The following CD82 variants were observed in gnomAD, a reference collection of about 807,000 sequenced individuals.
CD82 encodes the protein CD82 molecule, also known as CD82 antigen.
A neutral mutation model predicts 37.4 loss-of-function variants in CD82; 36 were observed. The observed-to-expected ratio is 0.96, with a 90% CI of 0.74 to 1.27. CD82 has a LOEUF of 1.27. Ranked by LOEUF, CD82 falls within the 50% of genes most tolerant of loss-of-function variation. The pLI is 0.00. For missense variants in CD82, 340 were observed against 347.0 expected, an observed-to-expected ratio of 0.98 and a Z score of 0.16; for synonymous variants, 158 against 137.4, an observed-to-expected ratio of 1.15 and a Z score of -1.05.
rs142819851 is a variant in CD82 at position 44,615,329 on chromosome 11, C to T, written c.394C>T (p.Arg132Cys). The change falls in exon 7 of 10, where the codon CGC (arginine) becomes TGC (cysteine). Residue 132 changes from arginine (R) to cysteine (C), a missense_variant. By Grantham distance (180) the Arg-to-Cys change is radical (BLOSUM62 -3). Transcript: ENST00000227155. ...TELIRDYNSSREDSLQDAWDY... is the reference protein window; with the variant it reads ...TELIRDYNSSCEDSLQDAWDY... ...GCTCATTCGAGACTACAACAGCAGTCGCGAGGACAGCCTGCAGGATGCCTG... is the reference window on the plus strand; with the variant it reads ...GCTCATTCGAGACTACAACAGCAGTTGCGAGGACAGCCTGCAGGATGCCTG... 13 of 1,613,598 alleles carry T rather than the reference C, an allele frequency of 8.1e-6. No individual in the cohort carries two copies. The highest frequency in any genetic ancestry group is 3.3e-5 in the Admixed American group (2 of 60,000).
In CD82 at chr11:44,619,272, C is replaced by T. The variant is rs1325750712; in HGVS notation, c.*146C>T. The T allele has an allele frequency of 4.4e-6, 3 of 674,746 alleles. No homozygotes were observed. Among genetic ancestry groups the T allele is most frequent in the Non-Finnish European group, 8.0e-6 (3 of 374,284 alleles). The allele number at this position is 674,746 out of a possible 1,614,324, so 41.8% of individuals were successfully genotyped here. A position where few individuals can be genotyped will look rare whatever the true frequency, so the allele number is the denominator to read the frequency against. On this transcript the variant is annotated 3_prime_UTR_variant, in exon 10 of 10. Transcript: ENST00000227155. Reference sequence around the variant, plus strand: ...ACTGAAAGTAGGGGGCTTTCTGGGGCCTAGCGATCTCTCCTGGCCTATCCG... The same window carrying T: ...ACTGAAAGTAGGGGGCTTTCTGGGGTCTAGCGATCTCTCCTGGCCTATCCG...
At chr11:44,594,886 T>C in intron 3 of CD82, 161 bp downstream of exon 3, 1 of 636,182 alleles carries the variant, frequency 1.6e-6, no homozygotes, top group Non-Finnish European at 2.9e-6. Flanking sequence ...GTTGGGGTGG[T>C]GAGGAGATTC....
intron 1 of CD82, among the ~76,000 whole-genome samples, chr11:44,582,341 C>T (rs744630): frequency 0.6 from 90,992 of 152,138 alleles, 28,420 homozygotes; most frequent in East Asian, 0.86. Context: ...TCTGCAGGAA[C>T]CCTGTGTCCA....
At chr11:44,613,464 G>A (rs997400926) in intron 6 of CD82, among the ~76,000 whole-genome samples, 1 of 152,170 alleles carries the variant, frequency 6.6e-6, no homozygotes, top group Non-Finnish European at 1.5e-5. Context: ...CTGAGAGCAG[G>A]TGCTGCTCTC....
intron 4 of CD82, 164 bp from the exon 5 acceptor site, chr11:44,604,893 TG>T: frequency 3.5e-6 from 3 of 859,350 alleles, no homozygotes; most frequent in Non-Finnish European, 5.7e-6. Flanking sequence ...CAAGTGGGGA[TG>T]GGGGTGACCT....
At chr11:44,590,292 A>AT (rs768784470) in intron 2 of CD82, among the ~76,000 whole-genome samples, 6 of 151,678 alleles carry the variant, frequency 4.0e-5, no homozygotes, top group Non-Finnish European at 8.8e-5. Flanking sequence ...GAATCTTTTT[A>AT]TTTTTCTTTT....
intron 4 of CD82, 70 bp from the exon 5 acceptor site, chr11:44,604,988 G>A: frequency 6.2e-7 from 1 of 1,605,718 alleles, no homozygotes. Flanking sequence ...TCCGGAAGAA[G>A]ACCTGGACGG....
At chr11:44,582,714 C>G (rs556510393) in intron 1 of CD82, among the ~76,000 whole-genome samples, 135 of 152,292 alleles carry the variant, frequency 8.9e-4, no homozygotes, top group African/African-American at 3.1e-3. Context: ...TTCAGGGCCT[C>G]TGGAATCTGG....
rs1271610244 is a variant in CD82, at chr11:44,620,270, C to G, written c.*1144C>G. 1 of 119,134 alleles carries G rather than the reference C, an allele frequency of 8.4e-6. No homozygotes were observed. The highest frequency in any genetic ancestry group is 1.7e-5 in the Non-Finnish European group (1 of 57,208). The allele number at this position is 119,134 out of a possible 1,614,324, so 7.4% of individuals were successfully genotyped here. A position where few individuals can be genotyped will look rare whatever the true frequency, so the allele number is the denominator to read the frequency against. The stretch of plus-strand genomic sequence containing the variant: ...GGGAGTGGGGTGGGTGAGGCTGTGC[C>G]TTGTAGGGGGAGAGGGGAGGGGGCT... On this transcript the variant is annotated 3_prime_UTR_variant, in exon 10 of 10. Coordinates refer to ENST00000227155, the MANE Select transcript of CD82 (RefSeq NM_002231.4).
At chr11:44,576,864 AG>A (rs1852899224) in intron 1 of CD82, among the ~76,000 whole-genome samples, 1 of 152,178 alleles carries the variant, frequency 6.6e-6, no homozygotes, top group African/African-American at 2.4e-5. Flanking sequence ...CAGGGCAGGG[AG>A]TTGCCCAGGA....
intron 6 of CD82, chr11:44,606,493 C>T (rs1853398662): frequency 6.6e-6 from 1 of 152,410 alleles, no homozygotes; most frequent in Non-Finnish European, 1.4e-5. Flanking sequence ...AAAAAGTCCT[C>T]CAACAGACTT....
In CD82 at chr11:44,619,291, C is replaced by T. The variant is rs796536666; in HGVS notation, c.*165C>T. On this transcript the variant is annotated 3_prime_UTR_variant, in exon 10 of 10. Coordinates refer to ENST00000227155, the MANE Select transcript of CD82 (RefSeq NM_002231.4). ...CTGGGGCCTAGCGATCTCTCCTGGC[C>T]TATCCGCTGCCAGCCTTGAGCCCTG... 6.9e-5 allele frequency: 42 copies of T among 611,072 alleles called. No homozygotes were observed. The African/African-American group carries it at 7.0e-4, about 10-fold the overall frequency. 37.9% of individuals were successfully genotyped at this position (611,072 alleles called of 1,614,324 possible). A position where few individuals can be genotyped will look rare whatever the true frequency, so the allele number is the denominator to read the frequency against.
chr11:44,608,791 C>G (rs1287430369), intron 6 of CD82, among the ~76,000 whole-genome samples: 8 of 152,236 alleles, frequency 5.3e-5, no homozygotes. Flanking sequence ...AGGCTGCTGC[C>G]CCAGCCCCCA....
rs1853594604 is a variant in CD82 at position 44,618,244 on chromosome 11, G to A, written c.521G>A (p.Cys174Tyr). 1 of 1,613,980 alleles carries A rather than the reference G, an allele frequency of 6.2e-7. No individual in the cohort carries two copies. The highest frequency in any genetic ancestry group is 1.3e-5 in the African/African-American group (1 of 74,910). The change falls in exon 8 of 10, where the codon TGT becomes TAT. Residue 174 changes from cysteine (C) to tyrosine (Y), a missense_variant. By Grantham distance (194) the Cys-to-Tyr change is radical. Coordinates refer to ENST00000227155, the MANE Select transcript of CD82 (RefSeq NM_002231.4). ...LMNRPEVTYP[C>Y]SCEVKGEEDN... ...AATCGCCCTGAGGTCACCTACCCCT[G>A]TTCCTGCGAAGTCAAGGGGGAAGAG... is the stretch of plus-strand genomic sequence containing the variant.
At chr11:44,568,883 C>T (rs1852775292) in intron 1 of CD82, among the ~76,000 whole-genome samples, 1 of 152,348 alleles carries the variant, frequency 6.6e-6, no homozygotes, top group East Asian at 1.9e-4. Flanking sequence ...GTTTCAGATT[C>T]GGAGCATCTG....
chr11:44,619,240 C>T lies in CD82; in HGVS notation c.*114C>T. 7.1e-6 allele frequency: 6 copies of T among 848,264 alleles called. No homozygotes were observed. Among genetic ancestry groups the T allele is most frequent in the African/African-American group, 1.7e-5 (1 of 60,496 alleles). The allele number at this position is 848,264 out of a possible 1,614,324, so 52.5% of individuals were successfully genotyped here. A position where few individuals can be genotyped will look rare whatever the true frequency, so the allele number is the denominator to read the frequency against. On this transcript the variant is annotated 3_prime_UTR_variant, in exon 10 of 10. Transcript: ENST00000227155. ...ACTTCACTGCGAAGACCCTCTTGCC[C>T]ATCCTGACTGAAAGTAGGGGGCTTT...
At chr11:44,571,943 GGGCTCCGTTCC>G (rs1294418799) in intron 1 of CD82, among the ~76,000 whole-genome samples, 38 of 152,308 alleles carry the variant, frequency 2.5e-4, no homozygotes, top group African/African-American at 8.2e-4. Context: ...CAGGGGACCT[GGGCTCCGTTCC>G]CAGCTCATCT....
At chr11:44,587,609 TGAGGC>T (rs1853076084) in intron 2 of CD82, 53 bp downstream of exon 2, 2 of 455,844 alleles carry the variant, frequency 4.4e-6, no homozygotes, top group Admixed American at 4.7e-5. Flanking sequence ...ACTTGGGCTG[TGAGGC>T]GAGGAAGGTG....
At chr11:44,583,845 G>T (rs1055863483) in intron 1 of CD82, among the ~76,000 whole-genome samples, 14 of 152,230 alleles carry the variant, frequency 9.2e-5, no homozygotes, top group African/African-American at 3.4e-4. Context: ...CTGCTGGCCT[G>T]TGTTGCTCTT....
Sources: gnomAD v4.1 joint callset for allele counts (sites outside exome capture counted in the v4.1 genomes callset) on GRCh38, gnomAD v4.1.1 for gene constraint, MANE v1.5 for transcripts, NCBI Gene and HGNC (gene_info 2026-07-23, HGNC 2026-07-21) for gene names.